The following FGF13 variants were observed in gnomAD, a reference collection of about 807,000 sequenced individuals.
The protein encoded by FGF13 is fibroblast growth factor 13, also known as fibroblast growth factor homologous factor 2.
In FGF13, 2 loss-of-function variants were observed where a neutral mutation model predicts 19.5. That is an observed-to-expected ratio of 0.10 (90% CI 0.04 to 0.32). The LOEUF (loss-of-function observed/expected upper bound fraction) is 0.32. FGF13 is among the 10% of genes least tolerant of loss of function. The pLI is 1.00. For synonymous variants in FGF13, 72 were observed against 76.9 expected (o/e 0.94, Z 0.33); for missense variants, 113 against 192.7 (o/e 0.59, Z 2.45).
intron 1 of FGF13, among the ~76,000 whole-genome samples, chrX:138,994,530 G>A (rs2092033103): frequency 9.0e-6 from 1 of 111,250 alleles, no homozygotes; most frequent in Non-Finnish European, 1.9e-5. Flanking sequence ...TACTATAAAA[G>A]TTGACTAATT....
intron 2 of FGF13, among the ~76,000 whole-genome samples, chrX:138,861,736 C>T (rs971290408): frequency 1.9e-4 from 21 of 112,097 alleles, no homozygotes; most frequent in African/African-American, 6.8e-4. Flanking sequence ...GGTGTGGTGG[C>T]TCACGCCTGT....
chrX:139,109,000 C>T (rs888721466), intron 1 of FGF13, among the ~76,000 whole-genome samples: 3 of 111,152 alleles, frequency 2.7e-5, no homozygotes, highest in African/African-American at 9.8e-5. Context: ...CATCCATGTA[C>T]CTGCAAAGGA....
chrX:138,968,467 C>CT (rs746076816), intron 1 of FGF13, among the ~76,000 whole-genome samples: 1 of 111,817 alleles, frequency 8.9e-6, no homozygotes, highest in African/African-American at 3.2e-5. Context: ...TTTTTATTTC[C>CT]TTTTTTCTGT....
At chrX:139,155,026 C>T (rs765339238) in intron 1 of FGF13, among the ~76,000 whole-genome samples, 4 of 111,712 alleles carry the variant, frequency 3.6e-5, no homozygotes, top group South Asian at 3.8e-4. Flanking sequence ...ATTATACATA[C>T]ATACAAAGCT....
chrX:139,090,428 C>CAA (rs1236741100), intron 1 of FGF13, among the ~76,000 whole-genome samples: 1 of 111,350 alleles, frequency 9.0e-6, no homozygotes, highest in Non-Finnish European at 1.9e-5. Flanking sequence ...AAGCAATACC[C>CAA]AATGTGTTTT....
chrX:139,077,420 T>G (rs2083339940), intron 1 of FGF13, among the ~76,000 whole-genome samples: 1 of 111,810 alleles, frequency 8.9e-6, no homozygotes, highest in Admixed American at 9.5e-5. Flanking sequence ...CTATTTGCAA[T>G]ACTGTGCCAC....
At position 139,127,783 on chromosome X, in the gene FGF13, C is replaced by A. The variant is rs191122481; in HGVS notation, c.-113+75633G>T. On this transcript the variant is annotated intron_variant, in intron 1 of 2. Coordinates refer to the FGF13 transcript ENST00000421460. ...GTTGGTAACTTTGACATATGACCAC[C>A]TTTCAGGGGCAAGTAAGCCAATACA... is the stretch of plus-strand genomic sequence containing the variant. Among the ~76,000 whole-genome samples, 291 of 111,339 alleles carry A rather than the reference C, an allele frequency of 2.6e-3. 1 individual carries two copies. Among genetic ancestry groups the A allele is most frequent in the African/African-American group, 9.0e-3 (276 of 30,611 alleles).
intron 1 of FGF13, among the ~76,000 whole-genome samples, chrX:138,891,745 G>A (rs748222593): frequency 9.0e-6 from 1 of 110,542 alleles, no homozygotes; most frequent in East Asian, 2.9e-4. Context: ...CCCTTAATCT[G>A]GTATGCACAA....
At chrX:138,686,353 C>T (rs765969052) in intron 3 of FGF13, among the ~76,000 whole-genome samples, 3 of 111,363 alleles carry the variant, frequency 2.7e-5, no homozygotes, top group African/African-American at 6.5e-5. Flanking sequence ...GGGAACATGA[C>T]GAACAATTTG....
chrX:138,691,634 T>C (rs1477306662), intron 3 of FGF13, among the ~76,000 whole-genome samples: 1 of 112,005 alleles, frequency 8.9e-6, no homozygotes, highest in Non-Finnish European at 1.9e-5. Context: ...TCCAAATCTT[T>C]ATAGGACATT....
At chrX:138,713,098 A>G (rs1236314124), upstream of FGF13, among the ~76,000 whole-genome samples, 2 of 112,395 alleles carry the variant, frequency 1.8e-5, no homozygotes, top group Non-Finnish European at 3.8e-5. Context: ...GTGGGTTGAG[A>G]CTGATAGTTA....
intron 3 of FGF13, among the ~76,000 whole-genome samples, chrX:138,796,810 GTGA>G (rs1255107775): frequency 2.7e-5 from 3 of 112,349 alleles, no homozygotes; most frequent in Non-Finnish European, 5.6e-5. Flanking sequence ...CTAATGACCA[GTGA>G]TGATGAGTTT....
rs1015249806 is a variant in FGF13, at chrX:138,778,060, C to A, written c.218-69132G>T. Among the ~76,000 whole-genome samples the A allele has an allele frequency of 2.7e-5, 3 of 111,741 alleles. No homozygotes were observed. The South Asian group carries it at 1.1e-3, about 42-fold the overall frequency. On this transcript the variant is annotated intron_variant, in intron 3 of 6. Transcript: ENST00000436198. ...AGGTGGGGGTAGGAGCCAAGATGGC[C>A]GAATAGGAACAGCTCCGGTCTACAG...
At chrX:138,668,013 A>G (rs1444302914) in intron 3 of FGF13, among the ~76,000 whole-genome samples, 1 of 111,471 alleles carries the variant, frequency 9.0e-6, no homozygotes, top group Non-Finnish European at 1.9e-5. Context: ...AAAAATGACA[A>G]TTTAATATAT....
At chrX:138,637,882 A>G in intron 3 of FGF13, among the ~76,000 whole-genome samples, 1 of 111,972 alleles carries the variant, frequency 8.9e-6, no homozygotes, top group African/African-American at 3.2e-5. Context: ...TACAGAAAAC[A>G]GGGAAGAATA....
intron 3 of FGF13, among the ~76,000 whole-genome samples, chrX:138,830,687 T>TTGTCTGTGTGTGTGTGTG (rs1199806084): frequency 2.3e-5 from 2 of 87,520 alleles, no homozygotes; most frequent in Admixed American, 1.4e-4. Context: ...AAAGGGGTGT[T>TTGTCTGTGTGTGTGTGTG]TGTGTGTGTG....
intron 1 of FGF13, among the ~76,000 whole-genome samples, chrX:138,717,669 G>T (rs1368068111): frequency 8.9e-6 from 1 of 111,843 alleles, no homozygotes; most frequent in East Asian, 2.8e-4. Context: ...CCAGTCAGGA[G>T]TGCAGTGGCG....
At chrX:138,937,836 C>A (rs775249213) in intron 1 of FGF13, among the ~76,000 whole-genome samples, 3 of 112,042 alleles carry the variant, frequency 2.7e-5, no homozygotes, top group African/African-American at 9.7e-5. Context: ...AGATTTAGCA[C>A]AATACATGTG....
intron 1 of FGF13, among the ~76,000 whole-genome samples, chrX:138,999,728 C>T (rs763592249): frequency 1.8e-5 from 2 of 111,594 alleles, no homozygotes; most frequent in East Asian, 2.8e-4. Context: ...CAGGACCAGA[C>T]ACATTCACAA....
Sources: gnomAD v4.1 joint callset for allele counts (sites outside exome capture counted in the v4.1 genomes callset) on GRCh38, gnomAD v4.1.1 for gene constraint, MANE v1.5 for transcripts, NCBI Gene and HGNC (gene_info 2026-07-23, HGNC 2026-07-21) for gene names.